CTNNA3: variants seen among roughly 807,000 people sequenced by gnomAD.
CTNNA3 encodes catenin alpha-3.
In CTNNA3, 76 loss-of-function variants were observed where a neutral mutation model predicts 95.7. That is an observed-to-expected ratio of 0.79 (90% confidence interval 0.66 to 0.96). CTNNA3 has a LOEUF of 0.96. Ranked by LOEUF, CTNNA3 falls within the 40% of genes least tolerant of loss-of-function variation. The pLI is 0.00. For synonymous variants in CTNNA3, 431 were observed against 374.4 expected (o/e 1.15, Z -1.74); for missense variants, 1,191 against 1,089.8 (o/e 1.09, Z -1.31).
chr10:66,048,849 T>C (rs1217200532), intron 15 of CTNNA3, among the ~76,000 whole-genome samples: 1 of 152,040 alleles, frequency 6.6e-6, no homozygotes, highest in African/African-American at 2.4e-5. Context: ...GAAGAAAACC[T>C]AGGCAATACC....
intron 1 of CTNNA3, among the ~76,000 whole-genome samples, chr10:67,709,095 T>C (rs1730844939): frequency 1.3e-5 from 2 of 152,124 alleles, no homozygotes; most frequent in African/African-American, 4.8e-5. Flanking sequence ...TCACTATGAA[T>C]GTGGCAGCTA....
chr10:67,255,052 T>C (rs539723522), intron 5 of CTNNA3, among the ~76,000 whole-genome samples: 34 of 152,214 alleles, frequency 2.2e-4, no homozygotes, highest in African/African-American at 7.9e-4. Context: ...TCCCAGCACT[T>C]TGGGAGGCTG....
At chr10:66,879,276 T>A (rs557692035) in intron 7 of CTNNA3, among the ~76,000 whole-genome samples, 4 of 152,232 alleles carry the variant, frequency 2.6e-5, no homozygotes, top group Admixed American at 2.6e-4. Context: ...GGGCCATTAA[T>A]GAAAAGACTT....
chr10:66,798,579 C>T (rs1162451448), intron 7 of CTNNA3, among the ~76,000 whole-genome samples: 2 of 150,750 alleles, frequency 1.3e-5, no homozygotes, highest in African/African-American at 4.9e-5. Context: ...CTTTCGACAT[C>T]TAATTGGAAA....
In CTNNA3 at chr10:67,201,138, A is replaced by C. The variant is rs1385270661; in HGVS notation, c.843+18469T>G. Among the ~76,000 whole-genome samples the C allele has an allele frequency of 2.0e-5, 3 of 152,182 alleles. No individual in the cohort carries two copies. In the East Asian group the frequency reaches 5.8e-4, roughly 29 times the overall value. ...TGACTAAGATAGTAATGTGAGGAAA[A>C]AAATATTGTCAGACTCATTCTAGGC... is the stretch of plus-strand genomic sequence containing the variant. On this transcript the variant is annotated intron_variant, in intron 6 of 17. Coordinates refer to ENST00000433211, the MANE Select transcript of CTNNA3 (RefSeq NM_013266.4).
intron 1 of CTNNA3, among the ~76,000 whole-genome samples, chr10:67,724,931 T>C (rs777581662): frequency 6.6e-6 from 1 of 152,146 alleles, no homozygotes; most frequent in African/African-American, 2.4e-5. Flanking sequence ...GAATTTCATA[T>C]ACCAAAACCT....
intron 6 of CTNNA3, among the ~76,000 whole-genome samples, chr10:67,210,872 C>T (rs1864112448): frequency 6.6e-6 from 1 of 152,118 alleles, no homozygotes; most frequent in African/African-American, 2.4e-5. Context: ...ATTTATTTTT[C>T]CTTCATGCCT....
At chr10:66,151,495 G>T (rs2084198504) in intron 13 of CTNNA3, among the ~76,000 whole-genome samples, 1 of 151,882 alleles carries the variant, frequency 6.6e-6, no homozygotes, top group African/African-American at 2.4e-5. Context: ...TTGGTAACAT[G>T]AAATTTAAAA....
chr10:66,402,087 A>C (rs1311088356), intron 11 of CTNNA3, among the ~76,000 whole-genome samples: 1 of 152,218 alleles, frequency 6.6e-6, no homozygotes, highest in Admixed American at 6.5e-5. Context: ...TCTCACATGA[A>C]TGTGAAATAC....
chr10:66,220,794 G>A (rs974814052), intron 13 of CTNNA3, among the ~76,000 whole-genome samples: 27 of 152,270 alleles, frequency 1.8e-4, no homozygotes, highest in African/African-American at 6.5e-4. Flanking sequence ...CTGAAGTCAA[G>A]CTGCTTCTCA....
At chr10:67,070,783 G>T (rs1035178542) in intron 7 of CTNNA3, among the ~76,000 whole-genome samples, 2 of 151,736 alleles carry the variant, frequency 1.3e-5, no homozygotes, top group Non-Finnish European at 2.9e-5. Flanking sequence ...AGAAATCCTT[G>T]CCTACTCCAG....
At chr10:66,536,466 A>G (rs1377178668) in intron 10 of CTNNA3, among the ~76,000 whole-genome samples, 2 of 138,256 alleles carry the variant, frequency 1.4e-5, no homozygotes, top group Non-Finnish European at 3.2e-5. Flanking sequence ...TGGTCAACAG[A>G]GCAAGACTCT....
At chr10:67,696,724 GTCT>G (rs1366736874), upstream of CTNNA3, among the ~76,000 whole-genome samples, 1 of 151,088 alleles carries the variant, frequency 6.6e-6, no homozygotes, top group African/African-American at 2.4e-5. Flanking sequence ...AAAAAAAAAA[GTCT>G]TCTCCACCAA....
intron 15 of CTNNA3, among the ~76,000 whole-genome samples, chr10:66,028,595 T>A (rs2079387549): frequency 7.5e-6 from 1 of 133,916 alleles, no homozygotes; most frequent in African/African-American, 2.8e-5. Context: ...GGGCCTGTTG[T>A]GGGGTGGGGG....
intron 11 of CTNNA3, among the ~76,000 whole-genome samples, chr10:66,438,563 G>A (rs2093353937): frequency 6.6e-6 from 1 of 152,122 alleles, no homozygotes; most frequent in South Asian, 2.1e-4. Context: ...CCAAGCTGGA[G>A]CATCCCAGGT....
At chr10:66,277,850 C>G (rs74626064) in intron 13 of CTNNA3, among the ~76,000 whole-genome samples, 1 of 151,976 alleles carries the variant, frequency 6.6e-6, no homozygotes, top group Non-Finnish European at 1.5e-5. Context: ...ACTCAGAAAA[C>G]ACTCTTTCAA....
rs570547117 is a variant in CTNNA3 at position 67,636,182 on chromosome 10, G to A, written c.99+11233C>T. ...GAAATCAGAGAGGACACAAACAAAC[G>A]GAAAATCATTCCATCCTCATGGATA... On this transcript the variant is annotated intron_variant, in intron 2 of 17. Coordinates refer to ENST00000433211, the MANE Select transcript of CTNNA3 (RefSeq NM_013266.4). Among the ~76,000 whole-genome samples, 67 of 152,124 alleles carry A rather than the reference G, an allele frequency of 4.4e-4. 1 individual carries two copies. The South Asian group carries it at 5.6e-3, about 13-fold the overall frequency.
At chr10:67,678,678 A>G (rs1840575150) in intron 1 of CTNNA3, among the ~76,000 whole-genome samples, 1 of 152,230 alleles carries the variant, frequency 6.6e-6, no homozygotes, top group African/African-American at 2.4e-5. Context: ...CCAGAGCCAC[A>G]GACTTTAAAT....
At chr10:67,664,613 A>G (rs1589550188) in intron 1 of CTNNA3, among the ~76,000 whole-genome samples, 1 of 151,938 alleles carries the variant, frequency 6.6e-6, no homozygotes, top group African/African-American at 2.4e-5. Context: ...TTTATATCCC[A>G]CACTTGTTTT....
Sources: gnomAD v4.1 joint callset for allele counts (sites outside exome capture counted in the v4.1 genomes callset) on GRCh38, gnomAD v4.1.1 for gene constraint, MANE v1.5 for transcripts, NCBI Gene and HGNC (gene_info 2026-07-23, HGNC 2026-07-21) for gene names.